Variants in PHACTR4 observed in about 807,000 individuals in gnomAD.
PHACTR4 encodes phosphatase and actin regulator 4.
In PHACTR4, 51 loss-of-function variants were observed where a neutral mutation model predicts 72.7. The observed-to-expected ratio is 0.70, with a 90% CI of 0.56 to 0.89. PHACTR4 has a LOEUF of 0.89. Ranked by LOEUF, PHACTR4 falls within the 40% of genes least tolerant of loss-of-function variation. The pLI is 0.00. For synonymous variants in PHACTR4, 255 were observed against 302.5 expected (o/e 0.84, Z 1.63); for missense variants, 731 against 861.8 (o/e 0.85, Z 1.90).
chr1:28,450,173 C>T (rs74064842), intron 2 of PHACTR4, among the ~76,000 whole-genome samples: 15,779 of 152,062 alleles, frequency 0.1, 1,891 homozygotes, highest in African/African-American at 0.3. Flanking sequence ...ACGTGCTTTC[C>T]TAATGGCCTG....
chr1:28,492,462 TA>T (rs1009216880), intron 12 of PHACTR4, among the ~76,000 whole-genome samples: 4 of 141,998 alleles, frequency 2.8e-5, no homozygotes, highest in South Asian at 2.2e-4. Flanking sequence ...AAATTAAAAT[TA>T]AAAAAAAAAC....
At chr1:28,472,936 AT>A (rs1659660740) in intron 6 of PHACTR4, among the ~76,000 whole-genome samples, 1 of 149,712 alleles carries the variant, frequency 6.7e-6, no homozygotes, top group Non-Finnish European at 1.5e-5. Context: ...TTTTTATCAG[AT>A]TTTTTTTGTC....
intron 1 of PHACTR4, among the ~76,000 whole-genome samples, chr1:28,379,781 G>C (rs1321345680): frequency 6.6e-6 from 1 of 151,050 alleles, no homozygotes. Flanking sequence ...AGTAGAGACG[G>C]GGTTTCACCG....
chr1:28,447,002 T>TATTTATTTATTTA (rs1553194941), intron 2 of PHACTR4, among the ~76,000 whole-genome samples: 2 of 150,596 alleles, frequency 1.3e-5, no homozygotes, highest in African/African-American at 5.0e-5. Flanking sequence ...AGGTATTTCT[T>TATTTATTTATTTA]TTTATTTATT....
chr1:28,418,708 T>C (rs1174624880), intron 2 of PHACTR4, among the ~76,000 whole-genome samples: 1 of 151,994 alleles, frequency 6.6e-6, no homozygotes, highest in African/African-American at 2.4e-5. Context: ...TCTCAGGACT[T>C]TGGGAGGCTG....
At chr1:28,453,547 C>A in intron 2 of PHACTR4, 1 of 667,284 alleles carries the variant, frequency 1.5e-6, no homozygotes, top group Non-Finnish European at 2.5e-6. Flanking sequence ...GAAATGGCGG[C>A]TTCACGAGAG....
intron 1 of PHACTR4, among the ~76,000 whole-genome samples, chr1:28,405,203 G>C (rs758511025): frequency 3.9e-5 from 6 of 151,984 alleles, no homozygotes; most frequent in Non-Finnish European, 7.4e-5. Flanking sequence ...TTGAGTTATT[G>C]TTCTTTATGT....
intron 10 of PHACTR4, 127 bp downstream of exon 10, chr1:28,489,352 C>G: frequency 1.4e-6 from 1 of 705,188 alleles, no homozygotes. Context: ...CAGGCAAGGA[C>G]TATTTATTTC....
In PHACTR4 at chr1:28,369,753, G is replaced by A; in HGVS notation, c.-111G>A. 2 of 445,690 alleles carry A rather than the reference G, an allele frequency of 4.5e-6. No individual in the cohort carries two copies. The highest frequency in any genetic ancestry group is 1.6e-5 in the South Asian group (1 of 63,140). The allele number at this position is 445,690 out of a possible 1,614,324, so 27.6% of individuals were successfully genotyped here. ...GGCCAAGGGCTCCGGCTGCTGCCTG[G>A]CGGCCAACGGGCCAGGTAGGATTTC... On this transcript the variant is annotated 5_prime_UTR_variant, in exon 1 of 14. Transcript: ENST00000373839.
Position 28,460,269 on chromosome 1 carries a change from T to C in PHACTR4, c.248T>C (p.Val83Ala). The C allele has an allele frequency of 1.2e-6, 2 of 1,613,588 alleles. No homozygotes were observed. Among genetic ancestry groups the C allele is most frequent in the Non-Finnish European group, 1.7e-6 (2 of 1,179,724 alleles). ...AGAGAAGAGCTGGTTAAAAGAGGGG[T>C]TCTGTTGGAAGACCCTGAGCAAGGT... is the stretch of plus-strand genomic sequence containing the variant. Reference protein sequence around the residue: ...KPREELVKRGVLLEDPEQGGE... With the variant: ...KPREELVKRGALLEDPEQGGE... The change falls in exon 4 of 14, where the codon GTT becomes GCT. Residue 83 changes from valine to alanine, a missense_variant. Coordinates refer to ENST00000373839, the MANE Select transcript of PHACTR4 (RefSeq NM_001048183.3).
chr1:28,491,054 T>C (rs781487230), intron 11 of PHACTR4, 42 bp downstream of exon 11: 1 of 1,566,058 alleles, frequency 6.4e-7, no homozygotes, highest in African/African-American at 1.4e-5. Flanking sequence ...TGTGTTATAT[T>C]TGGATGGCCT....
intron 2 of PHACTR4, among the ~76,000 whole-genome samples, chr1:28,415,627 G>A (rs149634558): frequency 3.7e-4 from 56 of 152,220 alleles, no homozygotes; most frequent in African/African-American, 1.3e-3. Flanking sequence ...ACTTCATTAA[G>A]TTTCTATATA....
At position 28,485,855 on chromosome 1, in the gene PHACTR4, C is replaced by T. The variant is rs968323346; in HGVS notation, c.1761-3315C>T. On this transcript the variant is annotated intron_variant, in intron 9 of 13. Coordinates refer to ENST00000373839, the MANE Select transcript of PHACTR4 (RefSeq NM_001048183.3). ...CAGAGGTTGCAATGAGCCAAGATCA[C>T]GCCACTGCACTCCAGCCTGGGCAAC... 1.5e-4 allele frequency among the ~76,000 whole-genome samples: 20 copies of T among 137,258 alleles called. 1 individual carries two copies. The highest frequency in any genetic ancestry group is 3.6e-4 in the Admixed American group (5 of 13,734). 90.0% of individuals were successfully genotyped at this position (137,258 alleles called of 152,430 possible).
intron 6 of PHACTR4, among the ~76,000 whole-genome samples, chr1:28,470,840 A>G (rs1466862350): frequency 1.3e-5 from 2 of 151,706 alleles, no homozygotes; most frequent in East Asian, 1.9e-4. Flanking sequence ...CCTGGGCAGC[A>G]TAGTGAGACC....
chr1:28,487,201 C>T (rs1382319839), intron 9 of PHACTR4, among the ~76,000 whole-genome samples: 1 of 151,722 alleles, frequency 6.6e-6, no homozygotes, highest in Non-Finnish European at 1.5e-5. Flanking sequence ...GCCATCTCTA[C>T]TAAAACTACA....
At chr1:28,461,145 C>A (rs1323943666) in intron 4 of PHACTR4, among the ~76,000 whole-genome samples, 2 of 152,094 alleles carry the variant, frequency 1.3e-5, no homozygotes, top group African/African-American at 4.8e-5. Flanking sequence ...ATCTGAAAGC[C>A]ATATTGTATA....
intron 9 of PHACTR4, among the ~76,000 whole-genome samples, chr1:28,487,091 G>A (rs1170186382): frequency 6.6e-6 from 1 of 152,072 alleles, no homozygotes; most frequent in Admixed American, 6.6e-5. Context: ...ATGGGGCGGG[G>A]CACAGTGGCT....
rs1363536601 is a variant in PHACTR4, at chr1:28,391,280, TC to T, written c.-38-16127del. On this transcript the variant is annotated intron_variant, in intron 1 of 13. Coordinates refer to ENST00000373839, the MANE Select transcript of PHACTR4 (RefSeq NM_001048183.3). ...CGGGCGTGGTGGTGGGCACCTGTAG[TC>T]CCAGCTACTCGGGAGGCTGAGGCAG... 2.8e-3 allele frequency among the ~76,000 whole-genome samples: 428 copies of T among 150,422 alleles called. 1 individual carries two copies. The highest frequency in any genetic ancestry group is 9.6e-3 in the African/African-American group (392 of 40,662).
chr1:28,450,288 C>CT (rs774519813), intron 2 of PHACTR4, among the ~76,000 whole-genome samples: 6,780 of 139,868 alleles, frequency 0.048, 154 homozygotes, highest in Middle Eastern at 0.074. Flanking sequence ...GGAAAACTAC[C>CT]TTTTTTTTTT....
Sources: gnomAD v4.1 joint callset for allele counts (sites outside exome capture counted in the v4.1 genomes callset) on GRCh38, gnomAD v4.1.1 for gene constraint, MANE v1.5 for transcripts, NCBI Gene and HGNC (gene_info 2026-07-23, HGNC 2026-07-21) for gene names.